Variants in PDSS2 observed in about 807,000 individuals in gnomAD.
PDSS2 encodes the protein all trans-polyprenyl-diphosphate synthase PDSS2.
A neutral mutation model predicts 44.5 loss-of-function variants in PDSS2; 31 were observed. That is an observed-to-expected ratio of 0.70 (90% CI 0.52 to 0.94). PDSS2 has a LOEUF of 0.94. Among genes scored for constraint, PDSS2 ranks in the 40% least tolerant of loss-of-function variants. The pLI is 0.00. For missense variants in PDSS2, 452 were observed against 482.2 expected, an observed-to-expected ratio of 0.94 and a Z score of 0.59; for synonymous variants, 157 against 180.3, an observed-to-expected ratio of 0.87 and a Z score of 1.03.
rs929343546 is a variant in PDSS2, at chr6:107,459,440, A to G, written c.-155T>C. 1 of 640,180 alleles carries G rather than the reference A, an allele frequency of 1.6e-6. No homozygotes were observed. The highest frequency in any genetic ancestry group is 2.7e-6 in the Non-Finnish European group (1 of 364,708). The allele number at this position is 640,180 out of a possible 1,614,324, so 39.7% of individuals were successfully genotyped here. A position where few individuals can be genotyped will look rare whatever the true frequency, so the allele number is the denominator to read the frequency against. On this transcript the variant is annotated 5_prime_UTR_variant, in exon 1 of 8. Coordinates refer to ENST00000369037, the MANE Select transcript of PDSS2 (RefSeq NM_020381.4). This position sits in a 1 kb window ranked among gnomAD's most constrained non-coding sequence, Gnocchi z 4.3. ...TTCCTGGAGCAGTGACCAGAAACGAACTTTAACTGCTGCTTTCTGCAGCCC... is the reference window on the plus strand; with the variant it reads ...TTCCTGGAGCAGTGACCAGAAACGAGCTTTAACTGCTGCTTTCTGCAGCCC...
At chr6:107,256,915 CTCACACCTGTAA>C (rs1399789435) in intron 3 of PDSS2, among the ~76,000 whole-genome samples, 1 of 152,048 alleles carries the variant, frequency 6.6e-6, no homozygotes, top group Admixed American at 6.5e-5. Flanking sequence ...GGCGTGGTGG[CTCACACCTGTAA>C]TCAGCACTTT....
chr6:107,331,779 T>A (rs1164976624), intron 2 of PDSS2, among the ~76,000 whole-genome samples: 2 of 152,192 alleles, frequency 1.3e-5, no homozygotes, highest in East Asian at 3.8e-4. Flanking sequence ...CAAATATTTA[T>A]TGAATATTTA....
chr6:107,317,762 T>A (rs1267941535), intron 2 of PDSS2, among the ~76,000 whole-genome samples: 3 of 152,210 alleles, frequency 2.0e-5, no homozygotes, highest in Non-Finnish European at 4.4e-5. Context: ...AAATTAGTAA[T>A]GGTCACCATT....
At chr6:107,240,595 G>A (rs1284535858) in intron 4 of PDSS2, among the ~76,000 whole-genome samples, 1 of 150,948 alleles carries the variant, frequency 6.6e-6, no homozygotes, top group Non-Finnish European at 1.5e-5. Flanking sequence ...ATGGAGTTTC[G>A]CCATGTTGGC....
intron 1 of PDSS2, among the ~76,000 whole-genome samples, chr6:107,348,754 C>T (rs540753806): frequency 2.6e-5 from 4 of 152,258 alleles, no homozygotes; most frequent in South Asian, 2.1e-4. Context: ...ATGGATACAC[C>T]AGCGACTCAA....
At chr6:107,287,949 T>C (rs1489529449) in intron 2 of PDSS2, among the ~76,000 whole-genome samples, 1 of 152,130 alleles carries the variant, frequency 6.6e-6, no homozygotes, top group Non-Finnish European at 1.5e-5. Flanking sequence ...GAGCTAGCAT[T>C]GCACTACTGC....
At chr6:107,232,054 A>G (rs932321211) in intron 4 of PDSS2, among the ~76,000 whole-genome samples, 2 of 152,050 alleles carry the variant, frequency 1.3e-5, no homozygotes, top group Non-Finnish European at 2.9e-5. Context: ...CTCTCAAGAC[A>G]CGGGTACCTG....
At chr6:107,249,701 C>A (rs1774748715) in intron 3 of PDSS2, among the ~76,000 whole-genome samples, 1 of 152,156 alleles carries the variant, frequency 6.6e-6, no homozygotes, top group Non-Finnish European at 1.5e-5. Context: ...GGCAACCACT[C>A]CTAATGTAAG....
intron 4 of PDSS2, among the ~76,000 whole-genome samples, chr6:107,227,258 T>C (rs7749559): frequency 0.77 from 111,143 of 143,802 alleles, 43,903 homozygotes; most frequent in East Asian, 0.99. Flanking sequence ...GCTGGGATTA[T>C]AGGTGTAAGC....
At chr6:107,166,396 A>C (rs9486545) in intron 7 of PDSS2, among the ~76,000 whole-genome samples, 4,879 of 123,976 alleles carry the variant, frequency 0.039, 300 homozygotes, top group African/African-American at 0.14. Flanking sequence ...ATGGAGTCTC[A>C]CTCTGTCGCC....
chr6:107,429,901 A>AAAATATATATAT (rs1166637352), intron 1 of PDSS2, among the ~76,000 whole-genome samples: 6 of 31,824 alleles, frequency 1.9e-4, no homozygotes, highest in East Asian at 2.1e-3. Flanking sequence ...AAAAAAAAAA[A>AAAATATATATAT]ATATATATAT....
chr6:107,393,641 T>C (rs1349420544), intron 1 of PDSS2, among the ~76,000 whole-genome samples: 1 of 152,194 alleles, frequency 6.6e-6, no homozygotes, highest in Admixed American at 6.5e-5. Flanking sequence ...TCTATTTCAG[T>C]TGTCAGTTTT....
intron 2 of PDSS2, among the ~76,000 whole-genome samples, chr6:107,280,832 G>A (rs1217964618): frequency 6.6e-6 from 1 of 152,184 alleles, no homozygotes; most frequent in Non-Finnish European, 1.5e-5. Context: ...AACGGAGCCT[G>A]CTTTCTCTCT....
chr6:107,200,727 C>A (rs1244851464), intron 6 of PDSS2, among the ~76,000 whole-genome samples: 1 of 151,992 alleles, frequency 6.6e-6, no homozygotes, highest in Non-Finnish European at 1.5e-5. Flanking sequence ...AGTGGAATAG[C>A]GTGATTTCGG....
chr6:107,233,843 A>G (rs562896531), intron 4 of PDSS2, among the ~76,000 whole-genome samples: 47 of 152,068 alleles, frequency 3.1e-4, no homozygotes, highest in Middle Eastern at 3.4e-3. Flanking sequence ...TAAAAAAAAA[A>G]ATAAAGACTC....
rs190162984 is a variant in PDSS2, at chr6:107,423,524, G to A, written c.296+35466C>T. ...TAAAGTTTCTCCAGCAGAGACACAT[G>A]GCTTCTTTGTCTGTTATTTCCCTCA... On this transcript the variant is annotated intron_variant, in intron 1 of 7. Transcript: ENST00000369037. 7.9e-5 allele frequency among the ~76,000 whole-genome samples: 12 copies of A among 151,632 alleles called. No individual in the cohort carries two copies. The East Asian group carries it at 2.1e-3, about 27-fold the overall frequency.
At chr6:107,222,263 G>A (rs1436344229) in intron 4 of PDSS2, among the ~76,000 whole-genome samples, 1 of 152,120 alleles carries the variant, frequency 6.6e-6, no homozygotes, top group Non-Finnish European at 1.5e-5. Context: ...GGAAAAGAAT[G>A]CAATCTAATA....
chr6:107,272,935 T>TTTTTTA (rs1200257076), intron 3 of PDSS2, among the ~76,000 whole-genome samples: 8 of 152,246 alleles, frequency 5.3e-5, no homozygotes, highest in South Asian at 2.1e-4. Flanking sequence ...TTTATTTATT[T>TTTTTTA]TTTTTATTTT....
chr6:107,359,479 C>T (rs1778698649), intron 1 of PDSS2, among the ~76,000 whole-genome samples: 1 of 151,602 alleles, frequency 6.6e-6, no homozygotes, highest in Admixed American at 6.6e-5. Context: ...AAAAAATTAG[C>T]TGGGCATGGA....
Sources: allele counts gnomAD v4.1 joint callset (sites outside exome capture counted in the v4.1 genomes callset), GRCh38; gene constraint gnomAD v4.1.1; non-coding constraint Gnocchi (gnomAD v3.1); transcripts MANE v1.5; gene names NCBI Gene and HGNC (gene_info 2026-07-23, HGNC 2026-07-21).